Variants in IMMT observed in about 807,000 individuals in gnomAD.
IMMT encodes inner membrane mitochondrial protein.
A neutral mutation model predicts 92.7 loss-of-function variants in IMMT; 40 were observed. The observed-to-expected ratio is 0.43, with a 90% confidence interval of 0.34 to 0.56. The LOEUF (loss-of-function observed/expected upper bound fraction) is 0.56, where lower values mean the gene tolerates loss of function less well. Ranked by LOEUF, IMMT falls within the 20% of genes least tolerant of loss-of-function variation. The pLI is 0.03. For missense variants in IMMT, 831 were observed against 912.1 expected, an observed-to-expected ratio of 0.91 and a Z score of 1.14; for synonymous variants, 322 against 336.1, an observed-to-expected ratio of 0.96 and a Z score of 0.46.
chr2:86,192,932 G>C (rs565617330), intron 1 of IMMT: 1 of 154,302 alleles, frequency 6.5e-6, no homozygotes, highest in East Asian at 1.9e-4. Context: ...GTCAGATCAA[G>C]GGCCCATGGT....
chr2:86,182,215 T>C (rs999645945), intron 1 of IMMT, among the ~76,000 whole-genome samples: 1 of 152,214 alleles, frequency 6.6e-6, no homozygotes, highest in East Asian at 1.9e-4. Context: ...TTTACACTTA[T>C]CAAATCCATA....
chr2:86,179,051 A>C (rs1207001221), intron 3 of IMMT, among the ~76,000 whole-genome samples: 2 of 152,112 alleles, frequency 1.3e-5, no homozygotes, highest in African/African-American at 4.8e-5. Flanking sequence ...ACAAGGGTGA[A>C]ACTCTGTCTC....
At chr2:86,193,838 A>G (rs1673342615) in intron 1 of IMMT, among the ~76,000 whole-genome samples, 1 of 152,212 alleles carries the variant, frequency 6.6e-6, no homozygotes, top group Non-Finnish European at 1.5e-5. Context: ...ACCAAGTTTT[A>G]ATTAGTTTTC....
At chr2:86,180,293 C>G (rs547404562) in intron 2 of IMMT, among the ~76,000 whole-genome samples, 13 of 151,946 alleles carry the variant, frequency 8.6e-5, no homozygotes, top group Non-Finnish European at 1.6e-4. Flanking sequence ...GAGACAAAGT[C>G]TTGCTCTTGT....
intron 4 of IMMT, 131 bp downstream of exon 4, chr2:86,173,519 G>A: frequency 1.6e-6 from 1 of 615,470 alleles, no homozygotes; most frequent in Non-Finnish European, 2.9e-6. Flanking sequence ...GGTGGAGGCT[G>A]CGGTGAGCCG....
Position 86,164,039 on chromosome 2 carries a change from T to C in IMMT, c.793-1960A>G, listed in dbSNP as rs536799995. ...AAATAAAGTTGATGTTTCAGTGAAT[T>C]CCCACTTTAGTCATTTTTTTTTTTT... On this transcript the variant is annotated intron_variant, in intron 7 of 14. Transcript: ENST00000410111. Among the ~76,000 whole-genome samples the C allele has an allele frequency of 1.4e-3, 212 of 147,674 alleles. 6 individuals carry two copies. Among genetic ancestry groups the C allele is most frequent in the African/African-American group, 5.1e-3 (206 of 40,544 alleles).
chr2:86,182,350 G>C (rs1558837965), intron 1 of IMMT, among the ~76,000 whole-genome samples: 1 of 152,142 alleles, frequency 6.6e-6, no homozygotes, highest in Non-Finnish European at 1.5e-5. Flanking sequence ...CCTTTTAAAA[G>C]TATCTATAGT....
At chr2:86,155,972 TAAA>T (rs1675828467) in intron 10 of IMMT, among the ~76,000 whole-genome samples, 1 of 152,232 alleles carries the variant, frequency 6.6e-6, no homozygotes, top group Non-Finnish European at 1.5e-5. Flanking sequence ...CTCTATTTTA[TAAA>T]TTAATAAAGA....
chr2:86,159,577 G>A lies in IMMT; in HGVS notation c.991C>T (p.Leu331Phe). 6.2e-7 allele frequency: 1 copy of A among 1,609,790 alleles called. No individual in the cohort carries two copies. Among genetic ancestry groups the A allele is most frequent in the Non-Finnish European group, 8.5e-7 (1 of 1,177,490 alleles). Reference protein sequence around the residue: ...KPHITAAEGKLHNMIVDLDNV... With the variant: ...KPHITAAEGKFHNMIVDLDNV... ...TCCAGATCAACTATCATGTTGTGAA[G>A]TTTACCCTCTGCAGCAGTTATATGA... Residue 331 changes from leucine to phenylalanine, a missense_variant, in exon 9 of 15, where the codon CTT becomes TTT. By Grantham distance (22) the Leu-to-Phe change is conservative (BLOSUM62 0). Transcript: ENST00000410111.
chr2:86,188,879 C>A (rs187996021), intron 1 of IMMT, among the ~76,000 whole-genome samples: 40 of 152,154 alleles, frequency 2.6e-4, no homozygotes, highest in Non-Finnish European at 7.4e-5. Context: ...TCTCAAGTAT[C>A]CCTCTGATGC....
At chr2:86,172,079 C>T (rs1003478191) in intron 4 of IMMT, among the ~76,000 whole-genome samples, 1 of 151,394 alleles carries the variant, frequency 6.6e-6, no homozygotes, top group Admixed American at 6.6e-5. Flanking sequence ...AATACTCCCA[C>T]CTCAGCCTCT....
chr2:86,164,022 T>C (rs1348740022), intron 7 of IMMT, among the ~76,000 whole-genome samples: 1 of 149,816 alleles, frequency 6.7e-6, no homozygotes, highest in South Asian at 2.1e-4. Flanking sequence ...AAAAATAAAG[T>C]TGATGTTTCA....
chr2:86,156,538 G>C (rs543128965), intron 10 of IMMT, among the ~76,000 whole-genome samples: 1 of 144,306 alleles, frequency 6.9e-6, no homozygotes, highest in Non-Finnish European at 1.5e-5. Context: ...AGGTTGCAGT[G>C]AGCCAAGATT....
intron 6 of IMMT, among the ~76,000 whole-genome samples, chr2:86,168,279 T>C (rs1197862889): frequency 6.6e-6 from 1 of 152,192 alleles, no homozygotes; most frequent in Non-Finnish European, 1.5e-5. Context: ...TTTACTAAAA[T>C]GCAAAAATAA....
intron 12 of IMMT, 46 bp from the exon 13 acceptor site, chr2:86,147,879 A>C: frequency 6.3e-7 from 1 of 1,589,262 alleles, no homozygotes; most frequent in Non-Finnish European, 8.6e-7. Flanking sequence ...TTCTCCACAT[A>C]TACTTTTAGG....
chr2:86,176,215 G>GTTTTT (rs1677416627), intron 3 of IMMT, among the ~76,000 whole-genome samples: 1 of 152,238 alleles, frequency 6.6e-6, no homozygotes, highest in African/African-American at 2.4e-5. Context: ...TACTTATTCA[G>GTTTTT]AAGGTAAGAA....
chr2:86,155,678 A>G (rs1212144583), intron 10 of IMMT, among the ~76,000 whole-genome samples: 1 of 152,232 alleles, frequency 6.6e-6, no homozygotes, highest in African/African-American at 2.4e-5. Flanking sequence ...TTAGGGAAAT[A>G]ATAAGAGCAA....
At chr2:86,186,933 G>A (rs116813446) in intron 1 of IMMT, among the ~76,000 whole-genome samples, 117 of 152,224 alleles carry the variant, frequency 7.7e-4, no homozygotes, top group Non-Finnish European at 1.5e-3. Flanking sequence ...TTGGGCCAAT[G>A]GAAGCCTCTG....
chr2:86,159,441 G>A (rs770100004), intron 9 of IMMT, 95 bp downstream of exon 9: 4 of 1,028,256 alleles, frequency 3.9e-6, no homozygotes, highest in South Asian at 2.7e-5. Flanking sequence ...AAAAGACGGG[G>A]AGATGGTAGG....
Sources: gnomAD v4.1 joint callset for allele counts (sites outside exome capture counted in the v4.1 genomes callset) on GRCh38, gnomAD v4.1.1 for gene constraint, MANE v1.5 for transcripts, NCBI Gene and HGNC (gene_info 2026-07-23, HGNC 2026-07-21) for gene names.